DAZAP2: variants seen among roughly 807,000 people sequenced by gnomAD.
The protein encoded by DAZAP2 is DAZ-associated protein 2.
Under a neutral mutation model 16.2 loss-of-function variants are expected in DAZAP2, and 3 were observed. The ratio of observed to expected loss-of-function variants is 0.19; its 90% CI spans 0.08 to 0.48. The LOEUF is 0.48. Among genes scored for constraint, DAZAP2 ranks in the 20% least tolerant of loss-of-function variants. DAZAP2 has a pLI of 0.98. For missense variants in DAZAP2, 172 were observed against 215.9 expected (o/e 0.80, Z 1.27); for synonymous variants, 69 against 77.6 (o/e 0.89, Z 0.58).
At position 51,243,403 on chromosome 12, in the gene DAZAP2, C is replaced by G. The variant is rs2137288510; in HGVS notation, c.*945C>G. 1.0e-6 allele frequency: 1 copy of G among 985,732 alleles called. No individual in the cohort carries two copies. Among genetic ancestry groups the G allele is most frequent in the East Asian group, 1.1e-4 (1 of 8,816 alleles). 61.1% of individuals were successfully genotyped at this position (985,732 alleles called of 1,614,324 possible). A position where few individuals can be genotyped will look rare whatever the true frequency, so the allele number is the denominator to read the frequency against. The stretch of plus-strand genomic sequence containing the variant: ...TCAAAAACTGGTTACCATTTTTTGT[C>G]AGAGTGTCTGATGCGGCCACTCATT... On this transcript the variant is annotated 3_prime_UTR_variant, in exon 4 of 4. Transcript: ENST00000412716.
intron 3 of DAZAP2, 127 bp downstream of exon 3, chr12:51,241,243 A>G (rs573338114): frequency 3.7e-5 from 52 of 1,419,416 alleles, no homozygotes; most frequent in Admixed American, 6.3e-5. Flanking sequence ...CTGACATCCA[A>G]TACTCAGGCA....
chr12:51,245,606 A>C (rs1008181207), downstream of DAZAP2: 1 of 245,170 alleles, frequency 4.1e-6, no homozygotes, highest in Admixed American at 4.8e-5. Context: ...GCAGCCAATG[A>C]CCTTAACTCA....
intron 1 of DAZAP2, 169 bp downstream of exon 1, chr12:51,239,089 A>C: frequency 3.2e-6 from 3 of 933,160 alleles, no homozygotes; most frequent in Non-Finnish European, 4.7e-6. Flanking sequence ...TACCCAAATT[A>C]CGGCAGCTTG....
chr12:51,243,691 C>T lies in DAZAP2; in HGVS notation c.*1233C>T. 2 of 985,534 alleles carry T rather than the reference C, an allele frequency of 2.0e-6. No homozygotes were observed. Among genetic ancestry groups the T allele is most frequent in the South Asian group, 9.4e-5 (2 of 21,288 alleles). The allele number at this position is 985,534 out of a possible 1,614,324, so 61.0% of individuals were successfully genotyped here. A position where few individuals can be genotyped will look rare whatever the true frequency, so the allele number is the denominator to read the frequency against. On this transcript the variant is annotated 3_prime_UTR_variant, in exon 4 of 4. Coordinates refer to ENST00000412716, the MANE Select transcript of DAZAP2 (RefSeq NM_014764.4). ...GTTCAGCGTTGTATGTCTCTCTCTA[C>T]ACTGTGGTGCACTTAACTTGTGGAA...
downstream of DAZAP2, chr12:51,246,454 CT>C (rs1944770699): frequency 2.3e-6 from 1 of 428,274 alleles, no homozygotes. Flanking sequence ...GATCCTCCCC[CT>C]CTTCCTCACC....
rs756893642 is a variant in DAZAP2 at position 51,241,125 on chromosome 12, G to T, written c.378+9G>T. 1.9e-6 allele frequency: 3 copies of T among 1,613,036 alleles called. No homozygotes were observed. The African/African-American group carries it at 4.0e-5, about 22-fold the overall frequency. ...CTGCTGGCAACATTCCTGTGAGTATGACCTCATCAGAAGAAACTCAGCCCT... is the reference window on the plus strand; with the variant it reads ...CTGCTGGCAACATTCCTGTGAGTATTACCTCATCAGAAGAAACTCAGCCCT... On this transcript the variant is annotated intron_variant, in intron 3 of 3. Coordinates refer to ENST00000412716, the MANE Select transcript of DAZAP2 (RefSeq NM_014764.4).
rs1171139324 is a variant in DAZAP2, at chr12:51,242,639, C to T, written c.*181C>T. 6.4e-7 allele frequency: 1 copy of T among 1,553,928 alleles called. No homozygotes were observed. The highest frequency in any genetic ancestry group is 8.7e-7 in the Non-Finnish European group (1 of 1,148,414). ...TTAATAAGGAACCATGTAATGGTAG[C>T]AGTACCTCCCTAAAGCATTTTGAGG... On this transcript the variant is annotated 3_prime_UTR_variant, in exon 4 of 4. Coordinates refer to ENST00000412716, the MANE Select transcript of DAZAP2 (RefSeq NM_014764.4).
chr12:51,242,457 G>A lies in DAZAP2; in HGVS notation c.506G>A (p.Ter169=), dbSNP rs1944694954. The A allele has an allele frequency of 6.2e-7, 1 of 1,614,110 alleles. No individual in the cohort carries two copies. Residue 169 remains the stop codon, a stop_retained_variant, in exon 4 of 4, where the codon TGA becomes TAA. Coordinates refer to ENST00000412716, the MANE Select transcript of DAZAP2 (RefSeq NM_014764.4). ...TCAGATGGTGGCTACACCATCTGGTGAGGAACCAAGGCCACCTCTGTGCCG... is the reference window on the plus strand; with the variant it reads ...TCAGATGGTGGCTACACCATCTGGTAAGGAACCAAGGCCACCTCTGTGCCG... ...GGSDGGYTIW[*] is the part of the protein sequence containing the mutation.
downstream of DAZAP2, chr12:51,246,210 TA>T: frequency 6.5e-7 from 1 of 1,530,110 alleles, no homozygotes; most frequent in South Asian, 1.3e-5. Flanking sequence ...ACTGTTTTCG[TA>T]AAGATCCTCT....
rs1051557904 is a variant in DAZAP2 at position 51,243,256 on chromosome 12, A to G, written c.*798A>G. 5 of 985,838 alleles carry G rather than the reference A, an allele frequency of 5.1e-6. No individual in the cohort carries two copies. The African/African-American group carries it at 8.7e-5, about 17-fold the overall frequency. 61.1% of individuals were successfully genotyped at this position (985,838 alleles called of 1,614,324 possible). A position where few individuals can be genotyped will look rare whatever the true frequency, so the allele number is the denominator to read the frequency against. Reference sequence around the variant, plus strand: ...CAGAAAAACTGAGCTATGTTTGAACAAAGATGTCGTGCAAACTGTACTGTG... The same window carrying G: ...CAGAAAAACTGAGCTATGTTTGAACGAAGATGTCGTGCAAACTGTACTGTG... On this transcript the variant is annotated 3_prime_UTR_variant, in exon 4 of 4. Transcript: ENST00000412716.
chr12:51,246,234 C>G (rs527317430), downstream of DAZAP2: 35 of 1,437,090 alleles, frequency 2.4e-5, 1 homozygote, highest in South Asian at 4.4e-4. Context: ...TTTTCATTAA[C>G]TAGTGTCCAC....
chr12:51,239,013 G>A (rs1944606704), intron 1 of DAZAP2, 93 bp downstream of exon 1: 2 of 1,557,194 alleles, frequency 1.3e-6, no homozygotes, highest in South Asian at 2.3e-5. Flanking sequence ...CGCCAGGTTT[G>A]GGGTGGGCTG....
chr12:51,245,986 C>G (rs367731889), downstream of DAZAP2: 306 of 1,613,860 alleles, frequency 1.9e-4, no homozygotes, highest in Non-Finnish European at 2.5e-4. Context: ...CCAAGTCACT[C>G]TCCATCTGGA....
intron 1 of DAZAP2, chr12:51,239,186 A>T: frequency 2.0e-6 from 1 of 497,962 alleles, no homozygotes; most frequent in South Asian, 2.5e-5. Context: ...CATGATGGGC[A>T]TCCGCAGGAG....
Position 51,240,863 on chromosome 12 carries a change from T to G in DAZAP2, c.133-8T>G. ...GTAACATTTTGCCTTCTCTTCTGCC[T>G]CTTCTAGCTCTATCGTCCGAGCTTT... On this transcript the variant is annotated splice_polypyrimidine_tract_variant and splice_region_variant and intron_variant, in intron 2 of 3. Transcript: ENST00000412716. 1 of 1,610,282 alleles carries G rather than the reference T, an allele frequency of 6.2e-7. No individual in the cohort carries two copies. Among genetic ancestry groups the G allele is most frequent in the Non-Finnish European group, 8.5e-7 (1 of 1,176,944 alleles).
rs1256241552 is a variant in DAZAP2, at chr12:51,241,036, C to G, written c.298C>G (p.Pro100Ala). Residue 100 changes from proline to alanine, a missense_variant, in exon 3 of 4, where the codon CCT (proline) becomes GCT (alanine). By Grantham distance (27) the Pro-to-Ala change is conservative. Transcript: ENST00000412716. ...TTATCCAGTCGGTCCCATCTATCCACCTGGCTCCACAGTGCTGGTGGAAGG... is the reference window on the plus strand; with the variant it reads ...TTATCCAGTCGGTCCCATCTATCCAGCTGGCTCCACAGTGCTGGTGGAAGG... ...AYYPVGPIYP[P>A]GSTVLVEGGY... The G allele has an allele frequency of 6.2e-7, 1 of 1,614,188 alleles. No homozygotes were observed. The highest frequency in any genetic ancestry group is 2.2e-5 in the East Asian group (1 of 44,888).
Position 51,241,039 on chromosome 12 carries a change from G to A in DAZAP2, c.301G>A (p.Gly101Ser). 2.5e-6 allele frequency: 4 copies of A among 1,614,186 alleles called. No homozygotes were observed. Among genetic ancestry groups the A allele is most frequent in the Non-Finnish European group, 2.5e-6 (3 of 1,180,026 alleles). Residue 101 changes from glycine (G) to serine (S), a missense_variant, in exon 3 of 4, where the codon GGC (glycine) becomes AGC (serine). Physicochemically the swap from Gly to Ser is moderately conservative, Grantham distance 56. Transcript: ENST00000412716. Reference protein sequence around the residue: ...YYPVGPIYPPGSTVLVEGGYD... With the variant: ...YYPVGPIYPPSSTVLVEGGYD... Reference sequence around the variant, plus strand: ...TCCAGTCGGTCCCATCTATCCACCTGGCTCCACAGTGCTGGTGGAAGGAGG... The same window carrying A: ...TCCAGTCGGTCCCATCTATCCACCTAGCTCCACAGTGCTGGTGGAAGGAGG...
At chr12:51,239,788 CAAAA>C (rs1190426746) in intron 1 of DAZAP2, 1 of 153,782 alleles carries the variant, frequency 6.5e-6, no homozygotes. Context: ...TCAGAACAAA[CAAAA>C]AACCAAACCT....
chr12:51,242,210 G>A, intron 3 of DAZAP2, 120 bp from the exon 4 acceptor site: 1 of 1,398,898 alleles, frequency 7.1e-7, no homozygotes, highest in Non-Finnish European at 9.5e-7. Context: ...GGCGGAACTA[G>A]CTCCTTAAAA....
Sources: allele counts gnomAD v4.1 joint callset, GRCh38; gene constraint gnomAD v4.1.1; transcripts MANE v1.5; gene names NCBI Gene and HGNC (gene_info 2026-07-23, HGNC 2026-07-21).